GSK3B: variants seen among roughly 807,000 people sequenced by gnomAD.
GSK3B encodes the protein glycogen synthase kinase-3 beta.
Under a neutral mutation model 56.4 loss-of-function variants are expected in GSK3B, and 15 were observed. That is an observed-to-expected ratio of 0.27 (90% confidence interval 0.18 to 0.41). The LOEUF (loss-of-function observed/expected upper bound fraction) is 0.41. Ranked by LOEUF, GSK3B falls within the 10% of genes least tolerant of loss-of-function variation. The pLI is 1.00. For synonymous variants in GSK3B, 181 were observed against 188.9 expected, an observed-to-expected ratio of 0.96 and a Z score of 0.34; for missense variants, 300 against 513.4, an observed-to-expected ratio of 0.58 and a Z score of 4.02.
chr3:119,858,095 A>AAGAAG (rs2056045877), intron 9 of GSK3B, among the ~76,000 whole-genome samples: 1 of 152,232 alleles, frequency 6.6e-6, no homozygotes, highest in Admixed American at 6.5e-5. Context: ...TATAGAGCAC[A>AAGAAG]AGAAGAGTAG....
intron 10 of GSK3B, among the ~76,000 whole-genome samples, chr3:119,834,463 C>G (rs1208290475): frequency 2.6e-5 from 4 of 152,070 alleles, no homozygotes; most frequent in African/African-American, 7.2e-5. Flanking sequence ...GTGAGCCAAC[C>G]CCATCCACCA....
chr3:119,927,315 T>C (rs1447473642), intron 3 of GSK3B, among the ~76,000 whole-genome samples: 1 of 152,014 alleles, frequency 6.6e-6, no homozygotes, highest in Non-Finnish European at 1.5e-5. Flanking sequence ...AAAATGGGTA[T>C]GGAGAGGAGA....
At chr3:119,945,244 T>C (rs2057088389) in intron 3 of GSK3B, among the ~76,000 whole-genome samples, 1 of 152,226 alleles carries the variant, frequency 6.6e-6, no homozygotes, top group Non-Finnish European at 1.5e-5. Context: ...ACAACTTTTC[T>C]TCTCTTCTTC....
intron 2 of GSK3B, among the ~76,000 whole-genome samples, chr3:119,971,463 A>T (rs1164682019): frequency 1.3e-5 from 2 of 152,166 alleles, no homozygotes; most frequent in African/African-American, 4.8e-5. Context: ...GGGCAGAATT[A>T]GTAAAAGCCC....
At chr3:119,958,851 T>C (rs2057242116) in intron 2 of GSK3B, among the ~76,000 whole-genome samples, 1 of 151,982 alleles carries the variant, frequency 6.6e-6, no homozygotes, top group Non-Finnish European at 1.5e-5. Flanking sequence ...CAGGTAGAAT[T>C]CAACTTGTCT....
intron 1 of GSK3B, among the ~76,000 whole-genome samples, chr3:120,046,874 G>A (rs2058108134): frequency 6.6e-6 from 1 of 152,150 alleles, no homozygotes; most frequent in Non-Finnish European, 1.5e-5. Context: ...GCCTCCCAAA[G>A]TGCTGGGATT....
intron 2 of GSK3B, among the ~76,000 whole-genome samples, chr3:119,951,959 A>G (rs2057161162): frequency 6.6e-6 from 1 of 152,010 alleles, no homozygotes. Flanking sequence ...GGCATTAAAA[A>G]AAAAAACCCA....
chr3:119,995,900 G>C (rs974986716), intron 2 of GSK3B, among the ~76,000 whole-genome samples: 1 of 151,908 alleles, frequency 6.6e-6, no homozygotes. Flanking sequence ...ACCACACTTT[G>C]CTAATATTTG....
chr3:119,843,428 G>A (rs2055807994), intron 9 of GSK3B, 75 bp from the exon 10 acceptor site: 2 of 783,768 alleles, frequency 2.6e-6, no homozygotes, highest in East Asian at 3.1e-5. Flanking sequence ...TGGTAAGAGT[G>A]AAAATAAGAT....
chr3:119,978,601 C>T (rs2057430934), intron 2 of GSK3B, among the ~76,000 whole-genome samples: 1 of 152,162 alleles, frequency 6.6e-6, no homozygotes, highest in African/African-American at 2.4e-5. Context: ...GAGTTAATTC[C>T]TGGATCCTGA....
intron 1 of GSK3B, among the ~76,000 whole-genome samples, chr3:120,061,729 T>C (rs937434620): frequency 1.3e-5 from 2 of 152,032 alleles, no homozygotes; most frequent in African/African-American, 2.4e-5. Flanking sequence ...ATGAATTTAT[T>C]TATTTATTTA....
chr3:119,833,348 T>C (rs886558006), intron 10 of GSK3B, among the ~76,000 whole-genome samples: 2 of 152,130 alleles, frequency 1.3e-5, no homozygotes, highest in African/African-American at 4.8e-5. Context: ...CACCATGAAT[T>C]AGTATTCTAG....
At chr3:119,887,013 G>A (rs1204245875) in intron 7 of GSK3B, among the ~76,000 whole-genome samples, 1 of 151,348 alleles carries the variant, frequency 6.6e-6, no homozygotes, top group Non-Finnish European at 1.5e-5. Context: ...AATAAAAGTT[G>A]GAAAAAAATA....
chr3:119,837,319 TA>T (rs969325957), intron 10 of GSK3B, among the ~76,000 whole-genome samples: 1 of 75,662 alleles, frequency 1.3e-5, no homozygotes, highest in Non-Finnish European at 3.1e-5. Context: ...TACGCCCGGC[TA>T]ATTTTTTTTT....
intron 2 of GSK3B, among the ~76,000 whole-genome samples, chr3:119,995,330 C>G (rs1404772571): frequency 6.6e-6 from 1 of 151,246 alleles, no homozygotes; most frequent in Non-Finnish European, 1.5e-5. Context: ...AAGATCTCAC[C>G]TGAAAAAAAT....
chr3:119,996,937 C>T (rs74683294), intron 2 of GSK3B, among the ~76,000 whole-genome samples: 3,937 of 151,982 alleles, frequency 0.026, 174 homozygotes, highest in African/African-American at 0.089. Context: ...CTGGAGCAAA[C>T]AGGATTATTA....
intron 3 of GSK3B, among the ~76,000 whole-genome samples, chr3:119,940,548 T>G (rs1461194787): frequency 6.6e-6 from 1 of 152,128 alleles, no homozygotes; most frequent in Non-Finnish European, 1.5e-5. Flanking sequence ...AGAGTGGTGG[T>G]ATTAGGGAAG....
intron 1 of GSK3B, among the ~76,000 whole-genome samples, chr3:120,013,794 C>T (rs1475440705): frequency 6.6e-6 from 1 of 151,496 alleles, no homozygotes. Flanking sequence ...AAACTCTGGC[C>T]ACTGTAAATT....
chr3:119,867,922 GA>G (rs1175439084), intron 8 of GSK3B, among the ~76,000 whole-genome samples: 4 of 151,962 alleles, frequency 2.6e-5, no homozygotes, highest in Non-Finnish European at 5.9e-5. Flanking sequence ...GACAAAAATA[GA>G]AAACCAGACT....
Sources: allele counts gnomAD v4.1 joint callset (sites outside exome capture counted in the v4.1 genomes callset), GRCh38; gene constraint gnomAD v4.1.1; transcripts MANE v1.5; gene names NCBI Gene and HGNC (gene_info 2026-07-23, HGNC 2026-07-21).